Variants in GABBR2 observed in about 807,000 individuals in gnomAD.
GABBR2 encodes the protein gamma-aminobutyric acid type B receptor subunit 2, also known as G-protein coupled receptor 51.
GABBR2 carries 23 observed loss-of-function variants against 105.6 expected under a neutral mutation model. That is an observed-to-expected ratio of 0.22 (90% CI 0.16 to 0.31). The LOEUF is 0.31. GABBR2 is among the 10% of genes least tolerant of loss of function. The probability of loss-of-function intolerance (pLI) is 1.00; values close to 1 mark genes in which losing one functional copy is unlikely to be tolerated. For missense variants in GABBR2, 734 were observed against 1,245.5 expected, an observed-to-expected ratio of 0.59 and a Z score of 6.18; for synonymous variants, 478 against 499.7, an observed-to-expected ratio of 0.96 and a Z score of 0.58.
At chr9:98,404,834 G>A (rs1025215423) in intron 8 of GABBR2, among the ~76,000 whole-genome samples, 1 of 152,088 alleles carries the variant, frequency 6.6e-6, no homozygotes, top group Non-Finnish European at 1.5e-5. Flanking sequence ...GTAAAAAGTG[G>A]TGGGTTATAA....
At chr9:98,644,784 A>G (rs979644614) in intron 1 of GABBR2, among the ~76,000 whole-genome samples, 2 of 152,184 alleles carry the variant, frequency 1.3e-5, no homozygotes, top group African/African-American at 2.4e-5. Context: ...GTAAGCCAAG[A>G]TCATGCCACT....
chr9:98,449,210 C>T (rs1826190246), intron 7 of GABBR2, among the ~76,000 whole-genome samples: 1 of 152,170 alleles, frequency 6.6e-6, no homozygotes, highest in South Asian at 2.1e-4. Context: ...TAGGATGGCT[C>T]CTTGGTCTTT....
chr9:98,535,066 G>A (rs972426211), intron 3 of GABBR2, among the ~76,000 whole-genome samples: 2 of 152,114 alleles, frequency 1.3e-5, no homozygotes, highest in Admixed American at 1.3e-4. Context: ...CCTCATCCAT[G>A]GATTCAACCA....
At chr9:98,389,095 C>A in intron 9 of GABBR2, 91 bp from the exon 10 acceptor site, 2 of 1,140,442 alleles carry the variant, frequency 1.8e-6, no homozygotes, top group Non-Finnish European at 2.5e-6. Context: ...TCCAGCCAGG[C>A]CCTGCGCACA....
chr9:98,611,457 G>GGAAT (rs10693570), intron 1 of GABBR2, among the ~76,000 whole-genome samples: 31,884 of 149,938 alleles, frequency 0.21, 3,408 homozygotes, highest in Middle Eastern at 0.25. Flanking sequence ...GTGCACCCGA[G>GGAAT]GAATGAATGA....
chr9:98,652,211 T>C (rs536199366), intron 1 of GABBR2, among the ~76,000 whole-genome samples: 2 of 152,306 alleles, frequency 1.3e-5, no homozygotes. Context: ...TAACCACTTT[T>C]TAGTTTAGTC....
At chr9:98,464,691 G>A (rs896011072) in intron 6 of GABBR2, among the ~76,000 whole-genome samples, 1 of 152,084 alleles carries the variant, frequency 6.6e-6, no homozygotes, top group Non-Finnish European at 1.5e-5. Flanking sequence ...GGGAAATGTG[G>A]GGAAAAGAAA....
chr9:98,697,574 C>T (rs1008415255), intron 1 of GABBR2, among the ~76,000 whole-genome samples: 16 of 152,132 alleles, frequency 1.1e-4, no homozygotes, highest in African/African-American at 3.4e-4. Context: ...ACATAGGTGC[C>T]GACATATAGT....
chr9:98,405,140 G>C (rs1655476473), intron 8 of GABBR2, among the ~76,000 whole-genome samples: 1 of 152,182 alleles, frequency 6.6e-6, no homozygotes, highest in African/African-American at 2.4e-5. Flanking sequence ...GGGATGGGGT[G>C]AGTCAAAATG....
intron 5 of GABBR2, among the ~76,000 whole-genome samples, chr9:98,476,591 T>C (rs1826798857): frequency 6.6e-6 from 1 of 152,232 alleles, no homozygotes; most frequent in Non-Finnish European, 1.5e-5. Context: ...AGAAACATTT[T>C]AGCTGCCCCT....
At chr9:98,377,554 C>T (rs1831898568) in intron 11 of GABBR2, among the ~76,000 whole-genome samples, 1 of 152,208 alleles carries the variant, frequency 6.6e-6, no homozygotes, top group African/African-American at 2.4e-5. Context: ...GGTTTTCAAT[C>T]TACACTGCCA....
At position 98,448,465 on chromosome 9, in the gene GABBR2, A is replaced by G. The variant is rs1001458794; in HGVS notation, c.1236+5516T>C. The stretch of plus-strand genomic sequence containing the variant: ...CTTTTTTGAGACGGAGTCTCACTCT[A>G]TTGCTCAGGCTGAAGTACAGAGGCG... On this transcript the variant is annotated intron_variant, in intron 7 of 18. Transcript: ENST00000259455. 9.9e-5 allele frequency among the ~76,000 whole-genome samples: 15 copies of G among 151,528 alleles called. 1 individual carries two copies. The South Asian group carries it at 3.1e-3, about 32-fold the overall frequency.
At chr9:98,665,650 G>A (rs1564145638) in intron 1 of GABBR2, among the ~76,000 whole-genome samples, 1 of 152,156 alleles carries the variant, frequency 6.6e-6, no homozygotes, top group East Asian at 1.9e-4. Context: ...CTGGAGCAAG[G>A]CCATGCCATC....
chr9:98,688,411 A>ATATATATATAT (rs397737112), intron 1 of GABBR2, among the ~76,000 whole-genome samples: 17 of 148,244 alleles, frequency 1.1e-4, no homozygotes, highest in South Asian at 2.2e-4. Flanking sequence ...ATATATATAT[A>ATATATATATAT]AAATCTCCAG....
chr9:98,435,578 G>A (rs184100169), intron 7 of GABBR2, among the ~76,000 whole-genome samples: 2 of 152,260 alleles, frequency 1.3e-5, no homozygotes, highest in African/African-American at 4.8e-5. Flanking sequence ...CAGCAGTCAG[G>A]TTGCTCCCTT....
At chr9:98,362,922 C>A (rs1831612226) in intron 12 of GABBR2, 85 bp from the exon 13 acceptor site, 6 of 1,222,512 alleles carry the variant, frequency 4.9e-6, no homozygotes, top group African/African-American at 1.5e-5. Context: ...ATAGGGGGAA[C>A]CTGCATCATG....
At chr9:98,329,333 C>T (rs915427519) in intron 13 of GABBR2, among the ~76,000 whole-genome samples, 4 of 152,146 alleles carry the variant, frequency 2.6e-5, no homozygotes, top group Non-Finnish European at 2.9e-5. Flanking sequence ...GAGAGATTTG[C>T]TTAGATTTCT....
intron 1 of GABBR2, among the ~76,000 whole-genome samples, chr9:98,623,952 G>C (rs1332643252): frequency 6.6e-6 from 1 of 152,162 alleles, no homozygotes; most frequent in African/African-American, 2.4e-5. Flanking sequence ...GAGGCACAGG[G>C]CAGCTCGGTA....
At chr9:98,557,248 C>T (rs1000498299) in intron 2 of GABBR2, among the ~76,000 whole-genome samples, 8 of 152,162 alleles carry the variant, frequency 5.3e-5, no homozygotes, top group Admixed American at 5.2e-4. Context: ...CCCTCACTCC[C>T]CTCTGAAAAA....
Sources: allele counts gnomAD v4.1 joint callset (sites outside exome capture counted in the v4.1 genomes callset), GRCh38; gene constraint gnomAD v4.1.1; transcripts MANE v1.5; gene names NCBI Gene and HGNC (gene_info 2026-07-23, HGNC 2026-07-21).